CDH4: variants seen among roughly 807,000 people sequenced by gnomAD.
The protein encoded by CDH4 is cadherin 4.
Under a neutral mutation model 86.0 loss-of-function variants are expected in CDH4, and 33 were observed. That is an observed-to-expected ratio of 0.38 (90% CI 0.29 to 0.51). The LOEUF (loss-of-function observed/expected upper bound fraction) is 0.51, where lower values mean the gene tolerates loss of function less well. Among genes scored for constraint, CDH4 ranks in the 20% least tolerant of loss-of-function variants. CDH4 has a pLI of 0.86. For missense variants in CDH4, 1,114 were observed against 1,307.4 expected, an observed-to-expected ratio of 0.85 and a Z score of 2.28; for synonymous variants, 555 against 549.4, an observed-to-expected ratio of 1.01 and a Z score of -0.14.
chr20:61,546,582 A>AGGGAG (rs2086088911), intron 2 of CDH4, among the ~76,000 whole-genome samples: 2 of 151,326 alleles, frequency 1.3e-5, no homozygotes, highest in South Asian at 4.2e-4. Flanking sequence ...AAATCAGGGC[A>AGGGAG]GGGAGGGGGG....
At chr20:61,340,171 A>G (rs936648939) in intron 2 of CDH4, among the ~76,000 whole-genome samples, 2 of 152,168 alleles carry the variant, frequency 1.3e-5, no homozygotes, top group African/African-American at 4.8e-5. Flanking sequence ...ACTGGAGTGA[A>G]GGGAAGGGGA....
At chr20:61,751,337 A>G (rs1044471790) in intron 3 of CDH4, among the ~76,000 whole-genome samples, 1 of 152,236 alleles carries the variant, frequency 6.6e-6, no homozygotes, top group African/African-American at 2.4e-5. Flanking sequence ...CCTGGGGGGC[A>G]AAACTGCCCC....
At chr20:61,934,476 G>A (rs1382492065) in intron 15 of CDH4, among the ~76,000 whole-genome samples, 3 of 152,228 alleles carry the variant, frequency 2.0e-5, no homozygotes, top group Non-Finnish European at 4.4e-5. Context: ...ACAGGGCCGG[G>A]TGCACAGCAG....
At chr20:61,561,916 C>T (rs1454417070) in intron 2 of CDH4, among the ~76,000 whole-genome samples, 2 of 152,260 alleles carry the variant, frequency 1.3e-5, no homozygotes, top group African/African-American at 4.8e-5. Flanking sequence ...GGGCAGTGAC[C>T]ATATGATGGC....
chr20:61,928,460 G>C (rs1420651736), intron 12 of CDH4, 37 bp downstream of exon 12: 1 of 1,582,956 alleles, frequency 6.3e-7, no homozygotes, highest in Non-Finnish European at 8.6e-7. Context: ...GGTCAGACTA[G>C]CCTGGGGTGC....
At chr20:61,322,893 C>G (rs1033787056) in intron 2 of CDH4, among the ~76,000 whole-genome samples, 4 of 152,156 alleles carry the variant, frequency 2.6e-5, no homozygotes, top group African/African-American at 7.2e-5. Flanking sequence ...ACACAACAGG[C>G]TCTATCCCTG....
intron 4 of CDH4, among the ~76,000 whole-genome samples, chr20:61,804,478 G>A (rs548099091): frequency 2.6e-5 from 4 of 152,278 alleles, no homozygotes; most frequent in Admixed American, 6.5e-5. Context: ...AGCCACACCC[G>A]GGGGGCAGCT....
intron 6 of CDH4, among the ~76,000 whole-genome samples, chr20:61,862,678 G>A (rs1175569459): frequency 2.0e-5 from 3 of 152,180 alleles, no homozygotes; most frequent in Admixed American, 1.3e-4. Flanking sequence ...AACTCACCCA[G>A]GCTCTCAGCA....
At chr20:61,452,239 T>C (rs1360054463) in intron 2 of CDH4, among the ~76,000 whole-genome samples, 1 of 152,174 alleles carries the variant, frequency 6.6e-6, no homozygotes, top group African/African-American at 2.4e-5. Flanking sequence ...GTTCCAGGTG[T>C]CTTTGGAATT....
In CDH4 at chr20:61,253,891, G is replaced by A. The variant is rs1362928476; in HGVS notation, c.58-935G>A. Among the ~76,000 whole-genome samples the A allele has an allele frequency of 3.3e-5, 5 of 152,198 alleles. No individual in the cohort carries two copies. In the East Asian group the frequency reaches 9.7e-4, roughly 30 times the overall value. ...CTGCCCGGTGCGGGCTGCACCCGAG[G>A]CTTCCTGCGCTCGCCGGGGAGCCAA... On this transcript the variant is annotated intron_variant, in intron 1 of 15. Transcript: ENST00000614565.
intron 3 of CDH4, among the ~76,000 whole-genome samples, chr20:61,753,859 A>G (rs544937129): frequency 5.3e-4 from 80 of 152,198 alleles, no homozygotes; most frequent in Admixed American, 2.4e-3. Flanking sequence ...GGGCTGAACT[A>G]TGTCCCCTAA....
chr20:61,683,499 G>A (rs976772149), intron 2 of CDH4, among the ~76,000 whole-genome samples: 6 of 152,132 alleles, frequency 3.9e-5, no homozygotes, highest in South Asian at 4.2e-4. Flanking sequence ...CCGGGAGTGC[G>A]GCCCAGGCAG....
chr20:61,261,645 T>A (rs747783438), intron 2 of CDH4, among the ~76,000 whole-genome samples: 11 of 152,178 alleles, frequency 7.2e-5, no homozygotes, highest in Non-Finnish European at 1.5e-4. Flanking sequence ...GGCACTTAGC[T>A]CATTCCTATC....
chr20:61,925,351 A>G (rs963041326), intron 11 of CDH4, among the ~76,000 whole-genome samples: 1 of 152,234 alleles, frequency 6.6e-6, no homozygotes, highest in African/African-American at 2.4e-5. Context: ...ACCGAAGATC[A>G]GTCCAGTACC....
chr20:61,682,074 G>C (rs1221609269), intron 2 of CDH4, among the ~76,000 whole-genome samples: 1 of 152,204 alleles, frequency 6.6e-6, no homozygotes, highest in African/African-American at 2.4e-5. Context: ...CTGGCTTCTG[G>C]GCCAGTCCCT....
chr20:61,579,285 A>AG (rs377267925), intron 2 of CDH4, among the ~76,000 whole-genome samples: 1 of 129,572 alleles, frequency 7.7e-6, no homozygotes, highest in Non-Finnish European at 1.6e-5. Flanking sequence ...CTCGATGGAG[A>AG]TTTTTTTTTT....
intron 2 of CDH4, among the ~76,000 whole-genome samples, chr20:61,421,703 G>A (rs894333772): frequency 6.6e-6 from 1 of 152,212 alleles, no homozygotes; most frequent in African/African-American, 2.4e-5. Context: ...AGGTGGATGT[G>A]AGTCTTCTCC....
chr20:61,560,478 A>C (rs569069433), intron 2 of CDH4, among the ~76,000 whole-genome samples: 2 of 152,340 alleles, frequency 1.3e-5, no homozygotes, highest in East Asian at 3.9e-4. Context: ...AGTTATCCTG[A>C]AGATGCTTCC....
chr20:61,552,700 A>G (rs1437632725), intron 2 of CDH4, among the ~76,000 whole-genome samples: 3 of 152,216 alleles, frequency 2.0e-5, no homozygotes, highest in Non-Finnish European at 4.4e-5. Context: ...ACTCCATCTC[A>G]AAAACAAAAA....
Sources: allele counts gnomAD v4.1 joint callset (sites outside exome capture counted in the v4.1 genomes callset), GRCh38; gene constraint gnomAD v4.1.1; transcripts MANE v1.5; gene names NCBI Gene and HGNC (gene_info 2026-07-23, HGNC 2026-07-21).